Variants in KDM3A observed in about 807,000 individuals in gnomAD.
KDM3A encodes the protein lysine-specific demethylase 3A.
A neutral mutation model predicts 158.0 loss-of-function variants in KDM3A; 60 were observed. The observed-to-expected ratio is 0.38, with a 90% confidence interval of 0.31 to 0.47. The LOEUF is 0.47. Ranked by LOEUF, KDM3A falls within the 20% of genes least tolerant of loss-of-function variation. KDM3A has a pLI of 0.99. For missense variants in KDM3A, 1,319 were observed against 1,574.3 expected (o/e 0.84, Z 2.74); for synonymous variants, 608 against 549.3 (o/e 1.11, Z -1.49).
In KDM3A at chr2:86,459,723, T is replaced by C. The variant is rs147915395; in HGVS notation, c.843+2652T>C. Among the ~76,000 whole-genome samples, 428 of 152,296 alleles carry C rather than the reference T, an allele frequency of 2.8e-3. 5 individuals are homozygous for C. The highest frequency in any genetic ancestry group is 9.8e-3 in the African/African-American group (408 of 41,576). On this transcript the variant is annotated intron_variant, in intron 8 of 25. Transcript: ENST00000312912. ...TGTGGGCATATAGACATATATGATA[T>C]GATCCTGTCTCCTTGATTCAAATTC... is the stretch of plus-strand genomic sequence containing the variant.
chr2:86,440,862 C>G (rs1338091722), upstream of KDM3A: 1 of 152,404 alleles, frequency 6.6e-6, no homozygotes, highest in Non-Finnish European at 1.5e-5. Context: ...CCTGCCCTCC[C>G]CCGCTAACCC....
intron 3 of KDM3A, 37 bp downstream of exon 3, chr2:86,449,999 A>G (rs1347968377): frequency 1.9e-6 from 3 of 1,569,844 alleles, no homozygotes; most frequent in Non-Finnish European, 2.6e-6. Context: ...TCCTGAGAAG[A>G]GGGCATTTTA....
At chr2:86,490,746 G>T (rs17027270) in intron 23 of KDM3A, 135 bp from the exon 24 acceptor site, 89,342 of 600,372 alleles carry the variant, frequency 0.15, 8,288 homozygotes, top group African/African-American at 0.31. Context: ...ACTACTAGTC[G>T]TCTTCTGCCA....
At chr2:86,441,713 G>T (rs1202677257) in intron 1 of KDM3A, among the ~76,000 whole-genome samples, 1 of 151,132 alleles carries the variant, frequency 6.6e-6, no homozygotes, top group Admixed American at 6.6e-5. Context: ...TCGGGGCTGG[G>T]GGCTGAGCAC....
chr2:86,488,143 G>A (rs1674275443), intron 21 of KDM3A: 1 of 152,088 alleles, frequency 6.6e-6, no homozygotes, highest in Non-Finnish European at 1.5e-5. Context: ...AATAGAATCA[G>A]ATTTTTTATA....
At chr2:86,485,457 A>C (rs1003711469) in intron 20 of KDM3A, among the ~76,000 whole-genome samples, 4 of 152,256 alleles carry the variant, frequency 2.6e-5, no homozygotes, top group African/African-American at 7.2e-5. Context: ...AATCAATGAT[A>C]TATCTCTAAG....
upstream of KDM3A, among the ~76,000 whole-genome samples, chr2:86,440,313 C>T (rs139718056): frequency 8.5e-5 from 13 of 152,268 alleles, no homozygotes; most frequent in African/African-American, 2.4e-4. Flanking sequence ...TACGTTTCCA[C>T]GCTTGTAAAA....
At chr2:86,475,529 C>A (rs1379726008) in intron 12 of KDM3A, among the ~76,000 whole-genome samples, 2 of 152,176 alleles carry the variant, frequency 1.3e-5, no homozygotes, top group East Asian at 1.9e-4. Flanking sequence ...AGCACTGTTA[C>A]ACTGATCTGG....
chr2:86,472,586 C>G (rs189896552), intron 11 of KDM3A, among the ~76,000 whole-genome samples: 2 of 152,254 alleles, frequency 1.3e-5, no homozygotes, highest in Admixed American at 6.5e-5. Flanking sequence ...ACTTTCATCT[C>G]TCATTTTGAC....
chr2:86,475,054 CCT>C (rs1252378472), intron 12 of KDM3A, 64 bp downstream of exon 12: 13 of 1,279,670 alleles, frequency 1.0e-5, no homozygotes, highest in Non-Finnish European at 1.5e-5. Context: ...CTAAGTGACA[CCT>C]AAGTCCTAAT....
rs1323916258 is a variant in KDM3A at position 86,456,491 on chromosome 2, A to G, written c.606A>G (p.Pro202=). Residue 202 remains proline (P), a synonymous_variant, in exon 6 of 26, where the codon CCA becomes CCG. Coordinates refer to ENST00000312912, the MANE Select transcript of KDM3A (RefSeq NM_018433.6). ...AAGTAAAAATTTATAGCTTGGACCCATCTACTCAGTGGTTTTCAGCAACCG... is the reference window on the plus strand; with the variant it reads ...AAGTAAAAATTTATAGCTTGGACCCGTCTACTCAGTGGTTTTCAGCAACCG... ...GSEVKIYSLD[P]STQWFSATVI... 6.9e-6 allele frequency: 11 copies of G among 1,599,034 alleles called. No individual in the cohort carries two copies. Among genetic ancestry groups the G allele is most frequent in the Non-Finnish European group, 9.4e-6 (11 of 1,172,418 alleles).
At chr2:86,477,174 G>A (rs1009246394) in intron 12 of KDM3A, among the ~76,000 whole-genome samples, 1 of 152,218 alleles carries the variant, frequency 6.6e-6, no homozygotes, top group Non-Finnish European at 1.5e-5. Context: ...ATGCTGCTTT[G>A]TGGAATCCCC....
intron 21 of KDM3A, chr2:86,488,281 A>G (rs1169746598): frequency 6.6e-6 from 1 of 152,176 alleles, no homozygotes; most frequent in African/African-American, 2.4e-5. Flanking sequence ...TGAAAACTTG[A>G]GAGTCTGGTA....
intron 11 of KDM3A, among the ~76,000 whole-genome samples, chr2:86,473,265 A>G (rs1673497987): frequency 6.6e-6 from 1 of 152,090 alleles, no homozygotes; most frequent in Non-Finnish European, 1.5e-5. Context: ...TGCTCAAGTG[A>G]TCCTCCCATC....
intron 12 of KDM3A, 145 bp downstream of exon 12, chr2:86,475,135 C>A: frequency 1.5e-6 from 1 of 678,492 alleles, no homozygotes; most frequent in Non-Finnish European, 2.5e-6. Flanking sequence ...TTTCCTTTTG[C>A]AACAGGTTTG....
chr2:86,484,805 C>T (rs1031093022), intron 19 of KDM3A, 137 bp from the exon 20 acceptor site: 3 of 553,192 alleles, frequency 5.4e-6, no homozygotes, highest in Middle Eastern at 3.9e-4. Flanking sequence ...TATTTGTATA[C>T]TAAATTTATC....
rs760697947 is a variant in KDM3A, at chr2:86,457,066, T to C, written c.838T>C (p.Ser280Pro). 7.0e-6 allele frequency: 11 copies of C among 1,576,514 alleles called. No homozygotes were observed. Among genetic ancestry groups the C allele is most frequent in the Middle Eastern group, 1.7e-4 (1 of 5,910 alleles). The change falls in exon 8 of 26, where the codon TCT becomes CCT. Residue 280 changes from serine (S) to proline (P), a missense_variant. Physicochemically the swap from Ser to Pro is moderately conservative, Grantham distance 74 (BLOSUM62 -1). This residue lies in a region of KDM3A where 652 missense variants were observed against 627.2 expected (regional missense o/e 1.04). Coordinates refer to ENST00000312912, the MANE Select transcript of KDM3A (RefSeq NM_018433.6). Reference sequence around the variant, plus strand: ...GGTTTCCAAACAAGCAAAATCTTGCTCTGAGGTAACCTTTATTTATGTCAC... The same window carrying C: ...GGTTTCCAAACAAGCAAAATCTTGCCCTGAGGTAACCTTTATTTATGTCAC... ...TLVSKQAKSC[S>P]EASPSMCPVQ... is the part of the protein sequence containing the mutation.
rs1422252414 is a variant in KDM3A, at chr2:86,490,886, A to G, written c.3579A>G (p.Ser1193=). 1 of 1,609,226 alleles carries G rather than the reference A, an allele frequency of 6.2e-7. No individual in the cohort carries two copies. The highest frequency in any genetic ancestry group is 1.3e-5 in the African/African-American group (1 of 74,592). Residue 1193 remains serine (S), a synonymous_variant, in exon 24 of 26, where the codon TCA becomes TCG. Transcript: ENST00000312912. ...EKIREFLKKV[S]EEQGQENPAD... is the part of the protein sequence containing the mutation. ...ATATTTTGAATGTATTCTAGGTATCAGAAGAGCAAGGTCAAGAAAACCCAG... is the reference window on the plus strand; with the variant it reads ...ATATTTTGAATGTATTCTAGGTATCGGAAGAGCAAGGTCAAGAAAACCCAG...
intron 2 of KDM3A, 75 bp downstream of exon 2, chr2:86,442,308 T>C: frequency 7.2e-7 from 1 of 1,396,470 alleles, no homozygotes; most frequent in Non-Finnish European, 9.8e-7. Flanking sequence ...GTTCCCTCCT[T>C]CCGTTTTCTG....
Sources: allele counts gnomAD v4.1 joint callset (sites outside exome capture counted in the v4.1 genomes callset), GRCh38; gene constraint gnomAD v4.1.1; regional missense constraint gnomAD v4.1.1; transcripts MANE v1.5; gene names NCBI Gene and HGNC (gene_info 2026-07-23, HGNC 2026-07-21).